ADHFE1: variants seen among roughly 807,000 people sequenced by gnomAD.
ADHFE1 encodes alcohol dehydrogenase iron containing 1.
ADHFE1 carries 37 observed loss-of-function variants against 54.8 expected under a neutral mutation model. That is an observed-to-expected ratio of 0.68 (90% CI 0.52 to 0.89). The LOEUF (loss-of-function observed/expected upper bound fraction) is 0.89, where lower values mean the gene tolerates loss of function less well. Ranked by LOEUF, ADHFE1 falls within the 40% of genes least tolerant of loss-of-function variation. The probability of loss-of-function intolerance (pLI) is 0.00; values close to 1 mark genes in which losing one functional copy is unlikely to be tolerated. For synonymous variants in ADHFE1, 203 were observed against 229.3 expected (o/e 0.89, Z 1.04); for missense variants, 601 against 591.2 (o/e 1.02, Z -0.17).
At position 66,454,100 on chromosome 8, in the gene ADHFE1, T is replaced by G. The variant is rs1388247597; in HGVS notation, c.929T>G (p.Met310Arg). The change falls in exon 10 of 14, where the codon ATG (methionine) becomes AGG (arginine). Residue 310 changes from methionine (M) to arginine (R), a missense_variant. By Grantham distance (91) the Met-to-Arg change is moderately conservative (BLOSUM62 -1). Coordinates refer to ENST00000396623, the MANE Select transcript of ADHFE1 (RefSeq NM_144650.3). ...NPDDLEARSH[M>R]HLASAFAGIG... ...GATGATCTTGAAGCAAGGTCTCATATGCACTTGGCAAGTGCTTTTGCTGGC... is the reference window on the plus strand; with the variant it reads ...GATGATCTTGAAGCAAGGTCTCATAGGCACTTGGCAAGTGCTTTTGCTGGC... 2.5e-6 allele frequency: 4 copies of G among 1,614,134 alleles called. No individual in the cohort carries two copies. Among genetic ancestry groups the G allele is most frequent in the African/African-American group, 1.3e-5 (1 of 74,962 alleles).
At chr8:66,466,087 G>C (rs1369036317) in intron 13 of ADHFE1, among the ~76,000 whole-genome samples, 1 of 141,030 alleles carries the variant, frequency 7.1e-6, no homozygotes. Context: ...TTTTCTTTTA[G>C]AGACAGAGTC....
At chr8:66,446,839 A>G (rs758249890) in intron 6 of ADHFE1, among the ~76,000 whole-genome samples, 5 of 152,230 alleles carry the variant, frequency 3.3e-5, no homozygotes, top group African/African-American at 4.8e-5. Context: ...ATTAATACAG[A>G]CACAGACATT....
In ADHFE1 at chr8:66,439,770, G is replaced by A; in HGVS notation, c.60-392G>A. Reference sequence around the variant, plus strand: ...CAGCATAGGGTAGTAAGTAAGAAGAGGCACACAGAGTTAACCTTGGGCCGA... The same window carrying A: ...CAGCATAGGGTAGTAAGTAAGAAGAAGCACACAGAGTTAACCTTGGGCCGA... On this transcript the variant is annotated intron_variant, in intron 1 of 13. Coordinates refer to ENST00000396623, the MANE Select transcript of ADHFE1 (RefSeq NM_144650.3). This position sits in a 1 kb window ranked among gnomAD's most constrained non-coding sequence, Gnocchi z 4.4. 10 of 1,036,500 alleles carry A rather than the reference G, an allele frequency of 9.6e-6. No homozygotes were observed. Among genetic ancestry groups the A allele is most frequent in the Non-Finnish European group, 1.2e-5 (10 of 862,852 alleles). 64.2% of individuals were successfully genotyped at this position (1,036,500 alleles called of 1,614,324 possible). A position where few individuals can be genotyped will look rare whatever the true frequency, so the allele number is the denominator to read the frequency against.
At chr8:66,448,997 C>A in intron 8 of ADHFE1, 27 bp downstream of exon 8, 5 of 1,583,876 alleles carry the variant, frequency 3.2e-6, no homozygotes, top group Non-Finnish European at 4.3e-6. Flanking sequence ...CCTGGAGGGG[C>A]TTTTTTAGTA....
intron 2 of ADHFE1, among the ~76,000 whole-genome samples, chr8:66,442,525 A>T (rs113213010): frequency 0.042 from 6,346 of 152,038 alleles, 185 homozygotes; most frequent in Middle Eastern, 0.071. Flanking sequence ...GTTAGCCAGG[A>T]TGATCTCGAT....
At chr8:66,462,998 T>G (rs1312823356) in intron 13 of ADHFE1, among the ~76,000 whole-genome samples, 1 of 152,110 alleles carries the variant, frequency 6.6e-6, no homozygotes, top group Non-Finnish European at 1.5e-5. Flanking sequence ...ATTTTTGTAT[T>G]TTTACTAGAG....
Position 66,442,096 on chromosome 8 carries a change from C to G in ADHFE1, c.98-702C>G, listed in dbSNP as rs532126095. 1.4e-4 allele frequency among the ~76,000 whole-genome samples: 21 copies of G among 151,564 alleles called. No individual in the cohort carries two copies. The South Asian group carries it at 3.1e-3, about 23-fold the overall frequency. The stretch of plus-strand genomic sequence containing the variant: ...TATGAATTAAAAAAAACAATTCAAA[C>G]AAGTTATCACAGTTGCTATAAGAAG... On this transcript the variant is annotated intron_variant, in intron 2 of 13. Transcript: ENST00000396623.
chr8:66,458,366 A>T (rs898303212), intron 12 of ADHFE1, among the ~76,000 whole-genome samples: 4 of 152,166 alleles, frequency 2.6e-5, no homozygotes. Flanking sequence ...TTAATGACAC[A>T]AGCCCAGGGC....
intron 1 of ADHFE1, 86 bp downstream of exon 1, chr8:66,432,661 C>T: frequency 8.1e-7 from 1 of 1,238,558 alleles, no homozygotes; most frequent in South Asian, 3.8e-5. Context: ...CCTGCGCAGT[C>T]TTCTCCGCTT....
chr8:66,438,837 T>G, intron 1 of ADHFE1, among the ~76,000 whole-genome samples: 1 of 147,766 alleles, frequency 6.8e-6, no homozygotes, highest in Non-Finnish European at 1.5e-5. Flanking sequence ...GTAGAAATAA[T>G]GAATTGAGAT....
intron 13 of ADHFE1, among the ~76,000 whole-genome samples, chr8:66,467,507 C>T (rs962292127): frequency 1.3e-5 from 2 of 152,240 alleles, no homozygotes; most frequent in Admixed American, 6.5e-5. Flanking sequence ...AGCCCCTGGC[C>T]TCACAAGTTT....
chr8:66,451,845 T>C, intron 8 of ADHFE1, 108 bp from the exon 9 acceptor site: 1 of 1,293,408 alleles, frequency 7.7e-7, no homozygotes, highest in East Asian at 2.4e-5. Context: ...AGATAATATA[T>C]CCACTGTGGG....
chr8:66,440,113 C>T, intron 1 of ADHFE1, 49 bp from the exon 2 acceptor site: 1 of 1,580,532 alleles, frequency 6.3e-7, no homozygotes, highest in African/African-American at 1.4e-5. Context: ...ATTTTTTGGT[C>T]TCTATTTTCA....
At chr8:66,453,028 A>G (rs1320552969) in intron 9 of ADHFE1, among the ~76,000 whole-genome samples, 1 of 152,254 alleles carries the variant, frequency 6.6e-6, no homozygotes, top group African/African-American at 2.4e-5. Flanking sequence ...AGCAGCAGGA[A>G]GGAACCCAAT....
chr8:66,460,295 TTA>T lies in ADHFE1; in HGVS notation c.1163-11_1163-10del. 1 of 1,613,820 alleles carries T rather than the reference TTA, an allele frequency of 6.2e-7. No individual in the cohort carries two copies. The highest frequency in any genetic ancestry group is 1.7e-5 in the Admixed American group (1 of 60,032). On this transcript the variant is annotated splice_polypyrimidine_tract_variant and intron_variant, in intron 12 of 13. Transcript: ENST00000396623. ...TTCCTCTCTCCCTACAGTCAGCACT[TTA>T]TGTCTTCTAGGAGCCGACACCCGCA...
At chr8:66,444,288 G>A in intron 3 of ADHFE1, 79 bp from the exon 4 acceptor site, 1 of 1,369,278 alleles carries the variant, frequency 7.3e-7, no homozygotes, top group Non-Finnish European at 1.0e-6. Context: ...TAGGCAACAA[G>A]AAACCATTTC....
intron 2 of ADHFE1, among the ~76,000 whole-genome samples, chr8:66,441,875 G>C (rs926680403): frequency 2.6e-5 from 4 of 151,798 alleles, no homozygotes; most frequent in Non-Finnish European, 5.9e-5. Context: ...GGAAGGCTGA[G>C]GCAGAAGAAT....
In ADHFE1 at chr8:66,445,348, G is replaced by A. The variant is rs542850663; in HGVS notation, c.484G>A (p.Asp162Asn). 4 of 1,614,008 alleles carry A rather than the reference G, an allele frequency of 2.5e-6. No individual in the cohort carries two copies. In the African/African-American group the frequency reaches 5.3e-5, roughly 22 times the overall value. Reference sequence around the variant, plus strand: ...ATCCAGCCCTCATTCTGATTTCCTAGATTATGTCAGTGCCCCCATTGGCAA... The same window carrying A: ...ATCCAGCCCTCATTCTGATTTCCTAAATTATGTCAGTGCCCCCATTGGCAA... Reference protein sequence around the residue: ...YASSPHSDFLDYVSAPIGKGK... With the variant: ...YASSPHSDFLNYVSAPIGKGK... The change falls in exon 6 of 14, where the codon GAT (aspartate) becomes AAT (asparagine). Residue 162 changes from aspartate to asparagine, a missense_variant. Physicochemically the swap from Asp to Asn is conservative, Grantham distance 23 (BLOSUM62 1). Coordinates refer to ENST00000396623, the MANE Select transcript of ADHFE1 (RefSeq NM_144650.3).
chr8:66,445,681 T>C (rs1805990322), intron 6 of ADHFE1, among the ~76,000 whole-genome samples: 1 of 152,256 alleles, frequency 6.6e-6, no homozygotes, highest in Admixed American at 6.5e-5. Context: ...AGGTCATCAC[T>C]GACATATGAT....
Sources: allele counts gnomAD v4.1 joint callset (sites outside exome capture counted in the v4.1 genomes callset), GRCh38; gene constraint gnomAD v4.1.1; non-coding constraint Gnocchi (gnomAD v3.1); transcripts MANE v1.5; gene names NCBI Gene and HGNC (gene_info 2026-07-23, HGNC 2026-07-21).